Variants in ANKH observed in about 807,000 individuals in gnomAD.
The protein encoded by ANKH is ANKH inorganic pyrophosphate transport regulator.
A neutral mutation model predicts 49.0 loss-of-function variants in ANKH; 15 were observed. That is an observed-to-expected ratio of 0.31 (90% confidence interval 0.20 to 0.47). ANKH has a LOEUF of 0.47. ANKH is among the 20% of genes least tolerant of loss of function. The probability of loss-of-function intolerance (pLI) is 1.00; values close to 1 mark genes in which losing one functional copy is unlikely to be tolerated. For missense variants in ANKH, 429 were observed against 652.0 expected (o/e 0.66, Z 3.72); for synonymous variants, 273 against 260.0 (o/e 1.05, Z -0.48).
intron 1 of ANKH, among the ~76,000 whole-genome samples, chr5:14,820,353 T>C (rs1457174492): frequency 6.6e-6 from 1 of 152,186 alleles, no homozygotes; most frequent in Non-Finnish European, 1.5e-5. Flanking sequence ...TATTTTGCCA[T>C]AGAAAAAAAG....
chr5:14,768,915 A>C, intron 2 of ANKH, 60 bp downstream of exon 2: 1 of 1,513,122 alleles, frequency 6.6e-7, no homozygotes, highest in Non-Finnish European at 9.2e-7. Flanking sequence ...CATTTAAATC[A>C]ATGAAAAGGA....
intron 3 of ANKH, among the ~76,000 whole-genome samples, chr5:14,756,709 T>G (rs746647315): frequency 5.3e-4 from 81 of 151,524 alleles, no homozygotes; most frequent in Middle Eastern, 3.4e-3. Flanking sequence ...CTTTGTTGTC[T>G]GAAAGCCACC....
chr5:14,739,377 C>T (rs1426372823), intron 8 of ANKH, among the ~76,000 whole-genome samples: 1 of 152,084 alleles, frequency 6.6e-6, no homozygotes, highest in Non-Finnish European at 1.5e-5. Context: ...AGATCATGCG[C>T]CTGCACTCCA....
chr5:14,724,876 A>C (rs768051955), intron 8 of ANKH, among the ~76,000 whole-genome samples: 1 of 152,174 alleles, frequency 6.6e-6, no homozygotes, highest in Non-Finnish European at 1.5e-5. Context: ...TAAGCTCTTA[A>C]CCACATTTTG....
intron 1 of ANKH, among the ~76,000 whole-genome samples, chr5:14,841,332 T>A (rs557646485): frequency 4.6e-5 from 7 of 151,978 alleles, no homozygotes; most frequent in African/African-American, 1.7e-4. Context: ...AGTCTCGCTC[T>A]GTCACCCAGG....
In ANKH at chr5:14,713,686, G is replaced by A. The variant is rs1221505189; in HGVS notation, c.1142-19C>T. On this transcript the variant is annotated intron_variant, in intron 9 of 11. Transcript: ENST00000284268. This position sits in a 1 kb window ranked among gnomAD's most constrained non-coding sequence, Gnocchi z 4.4. ...ACTGTGACTGTTGGGAGGAGCAAAG[G>A]ACTCGTCAGCCGTGCCCGCCATCCA... 2 of 1,612,988 alleles carry A rather than the reference G, an allele frequency of 1.2e-6. No homozygotes were observed. The highest frequency in any genetic ancestry group is 3.3e-5 in the Admixed American group (2 of 59,994).
chr5:14,866,163 T>A (rs1335660889), intron 1 of ANKH, among the ~76,000 whole-genome samples: 1 of 152,182 alleles, frequency 6.6e-6, no homozygotes, highest in Non-Finnish European at 1.5e-5. Flanking sequence ...CCTGCCATCA[T>A]GCCCCGCTAA....
chr5:14,836,379 A>C (rs1219796903), intron 1 of ANKH, among the ~76,000 whole-genome samples: 1 of 152,262 alleles, frequency 6.6e-6, no homozygotes, highest in African/African-American at 2.4e-5. Flanking sequence ...CCATCATCTC[A>C]GCCCCAAATC....
At chr5:14,847,636 G>T (rs1742003470) in intron 1 of ANKH, among the ~76,000 whole-genome samples, 1 of 152,144 alleles carries the variant, frequency 6.6e-6, no homozygotes, top group African/African-American at 2.4e-5. Flanking sequence ...TACTGCTCAG[G>T]CTGCCAAAGC....
At chr5:14,827,280 C>T (rs1741371746) in intron 1 of ANKH, among the ~76,000 whole-genome samples, 1 of 152,184 alleles carries the variant, frequency 6.6e-6, no homozygotes, top group South Asian at 2.1e-4. Flanking sequence ...CTCAACAATC[C>T]TCTGAGCCAG....
rs138155475 is a variant in ANKH at position 14,777,841 on chromosome 5, C to G, written c.97-8650G>C. On this transcript the variant is annotated intron_variant, in intron 1 of 11. Coordinates refer to ENST00000284268, the MANE Select transcript of ANKH (RefSeq NM_054027.6). ...TGTAGACAGATTATCTTTTGGGGTTCAGTACATAAGTTGGGCCCATGAGCC... is the reference window on the plus strand; with the variant it reads ...TGTAGACAGATTATCTTTTGGGGTTGAGTACATAAGTTGGGCCCATGAGCC... Among the ~76,000 whole-genome samples, 44 of 152,290 alleles carry G rather than the reference C, an allele frequency of 2.9e-4. 1 individual carries two copies. Among genetic ancestry groups the G allele is most frequent in the Non-Finnish European group, 4.6e-4 (31 of 68,012 alleles).
At chr5:14,796,172 T>C (rs879515489) in intron 1 of ANKH, among the ~76,000 whole-genome samples, 2 of 151,974 alleles carry the variant, frequency 1.3e-5, no homozygotes, top group Non-Finnish European at 2.9e-5. Context: ...AAATGTGTTT[T>C]TTTTTTTAAT....
At position 14,704,887 on chromosome 5, in the gene ANKH, A is replaced by G. The variant is rs1283482887; in HGVS notation, c.*6310T>C. 1 of 152,220 alleles carries G rather than the reference A, an allele frequency of 6.6e-6. No individual in the cohort carries two copies. The highest frequency in any genetic ancestry group is 1.9e-4 in the East Asian group (1 of 5,202). 9.4% of individuals were successfully genotyped at this position (152,220 alleles called of 1,614,324 possible). On this transcript the variant is annotated 3_prime_UTR_variant, in exon 12 of 12. Coordinates refer to ENST00000284268, the MANE Select transcript of ANKH (RefSeq NM_054027.6). ...ACAATATATGAATACAAATCCATAA[A>G]CCCTGAAACAAAGCATATATAAATG...
intron 1 of ANKH, among the ~76,000 whole-genome samples, chr5:14,850,158 G>C (rs1315920537): frequency 6.6e-6 from 1 of 152,182 alleles, no homozygotes; most frequent in African/African-American, 2.4e-5. Flanking sequence ...CGCATATCAA[G>C]TCCAAGCCAA....
Position 14,718,118 on chromosome 5 carries a change from T to C in ANKH, c.1012-1283A>G, listed in dbSNP as rs543559031. On this transcript the variant is annotated intron_variant, in intron 8 of 11. Transcript: ENST00000284268. Reference sequence around the variant, plus strand: ...AGAAAAGACGTAAAGTTCCTGAAAATTAGAGTCTCCCAATGAAGCAGCCGC... The same window carrying C: ...AGAAAAGACGTAAAGTTCCTGAAAACTAGAGTCTCCCAATGAAGCAGCCGC... 3.3e-5 allele frequency among the ~76,000 whole-genome samples: 5 copies of C among 152,190 alleles called. No homozygotes were observed. The South Asian group carries it at 1.0e-3, about 32-fold the overall frequency.
rs767601513 is a variant in ANKH at position 14,713,691 on chromosome 5, G to T, written c.1142-24C>A. The T allele has an allele frequency of 3.7e-6, 6 of 1,612,696 alleles. No homozygotes were observed. In the East Asian group the frequency reaches 1.1e-4, roughly 30 times the overall value. ...GACTGTTGGGAGGAGCAAAGGACTC[G>T]TCAGCCGTGCCCGCCATCCACTCCC... is the stretch of plus-strand genomic sequence containing the variant. On this transcript the variant is annotated intron_variant, in intron 9 of 11. Coordinates refer to ENST00000284268, the MANE Select transcript of ANKH (RefSeq NM_054027.6). This position sits in a 1 kb window ranked among gnomAD's most constrained non-coding sequence, Gnocchi z 4.4.
chr5:14,726,563 G>C (rs565981779), intron 8 of ANKH, among the ~76,000 whole-genome samples: 12 of 152,256 alleles, frequency 7.9e-5, no homozygotes, highest in African/African-American at 2.6e-4. Context: ...AAGAGTGACG[G>C]GAGGGAGGCT....
At chr5:14,822,549 T>C (rs1741226128) in intron 1 of ANKH, among the ~76,000 whole-genome samples, 1 of 152,238 alleles carries the variant, frequency 6.6e-6, no homozygotes, top group Admixed American at 6.5e-5. Context: ...TGTTATGTAA[T>C]CATTTTATTG....
intron 9 of ANKH, among the ~76,000 whole-genome samples, chr5:14,715,122 T>C (rs1474687542): frequency 6.6e-6 from 1 of 152,240 alleles, no homozygotes. Flanking sequence ...TGGGGCTCCA[T>C]GGCTCCTTTC....
Sources: gnomAD v4.1 joint callset for allele counts (sites outside exome capture counted in the v4.1 genomes callset) on GRCh38, gnomAD v4.1.1 for gene constraint, Gnocchi (gnomAD v3.1) non-coding constraint, MANE v1.5 for transcripts, NCBI Gene and HGNC (gene_info 2026-07-23, HGNC 2026-07-21) for gene names.